TP63: variants seen among roughly 807,000 people sequenced by gnomAD.
TP63 encodes the protein tumor protein 63.
Under a neutral mutation model 82.8 loss-of-function variants are expected in TP63, and 17 were observed. That is an observed-to-expected ratio of 0.21 (90% CI 0.14 to 0.31). The LOEUF (loss-of-function observed/expected upper bound fraction) is 0.31. Ranked by LOEUF, TP63 falls within the 10% of genes least tolerant of loss-of-function variation. The pLI is 1.00. For missense variants in TP63, 648 were observed against 895.3 expected, an observed-to-expected ratio of 0.72 and a Z score of 3.52; for synonymous variants, 330 against 321.7, an observed-to-expected ratio of 1.03 and a Z score of -0.28.
intron 1 of TP63, among the ~76,000 whole-genome samples, chr3:189,636,932 CTT>C (rs1350862994): frequency 6.6e-6 from 1 of 152,116 alleles, no homozygotes; most frequent in African/African-American, 2.4e-5. Context: ...TTATCATAGA[CTT>C]TGTGAATTTT....
At chr3:189,671,713 A>C (rs2108674217) in intron 1 of TP63, among the ~76,000 whole-genome samples, 1 of 152,256 alleles carries the variant, frequency 6.6e-6, no homozygotes, top group Non-Finnish European at 1.5e-5. Flanking sequence ...AGCAATAAAA[A>C]AGAATGAAAT....
chr3:189,724,228 C>T (rs77744581), intron 1 of TP63, among the ~76,000 whole-genome samples: 15,101 of 151,884 alleles, frequency 0.099, 829 homozygotes, highest in Non-Finnish European at 0.12. Flanking sequence ...TGTAGGGATG[C>T]GAGATATAAA....
intron 1 of TP63, among the ~76,000 whole-genome samples, chr3:189,634,003 T>C (rs865913765): frequency 4.6e-5 from 7 of 152,092 alleles, no homozygotes; most frequent in Admixed American, 1.3e-4. Context: ...TATTACTTAG[T>C]GAATAAACAA....
At chr3:189,746,372 G>T (rs1721378148) in intron 3 of TP63, among the ~76,000 whole-genome samples, 1 of 151,690 alleles carries the variant, frequency 6.6e-6, no homozygotes, top group African/African-American at 2.4e-5. Context: ...AAAGGTGAGA[G>T]AATTTATTGC....
chr3:189,756,374 C>T (rs968067462), intron 3 of TP63, among the ~76,000 whole-genome samples: 2 of 152,152 alleles, frequency 1.3e-5, no homozygotes, highest in Non-Finnish European at 2.9e-5. Flanking sequence ...CCGGTGTCCC[C>T]ATAAGAGCAG....
chr3:189,745,398 GAGAT>G (rs1391648344), intron 3 of TP63, among the ~76,000 whole-genome samples: 10 of 152,080 alleles, frequency 6.6e-5, no homozygotes, highest in Admixed American at 6.6e-4. Flanking sequence ...ATTTACCAAA[GAGAT>G]AGATATCATT....
intron 4 of TP63, among the ~76,000 whole-genome samples, chr3:189,812,805 G>A (rs933556862): frequency 1.3e-5 from 2 of 152,010 alleles, no homozygotes; most frequent in African/African-American, 4.8e-5. Context: ...TTGAGGCTTC[G>A]ACAAAACTTT....
chr3:189,864,903 A>G (rs1158352017), intron 5 of TP63, among the ~76,000 whole-genome samples: 1 of 152,046 alleles, frequency 6.6e-6, no homozygotes, highest in Non-Finnish European at 1.5e-5. Flanking sequence ...GCTACTCGGG[A>G]GGCTGAGGCA....
At chr3:189,661,775 A>G (rs1371030286) in intron 1 of TP63, among the ~76,000 whole-genome samples, 1 of 151,938 alleles carries the variant, frequency 6.6e-6, no homozygotes, top group East Asian at 1.9e-4. Context: ...TCAGAGTTTC[A>G]ATTTCTTCCT....
chr3:189,636,218 C>T (rs1006186577), intron 1 of TP63, among the ~76,000 whole-genome samples: 3 of 152,140 alleles, frequency 2.0e-5, no homozygotes, highest in Admixed American at 1.3e-4. Context: ...CCATGCGCTG[C>T]GTCTGAGCGG....
At chr3:189,744,664 C>A (rs1013645302) in intron 3 of TP63, among the ~76,000 whole-genome samples, 1 of 152,236 alleles carries the variant, frequency 6.6e-6, no homozygotes, top group Admixed American at 6.5e-5. Flanking sequence ...CAGTGTGGAA[C>A]ATTTGGGTCC....
chr3:189,735,514 A>G lies in TP63; in HGVS notation c.63-2226A>G, dbSNP rs373561605. ...CAACCACACGGTTCAATCAAGCTGG[A>G]AACTTAAAGTCATCTTTCACTCTTC... On this transcript the variant is annotated intron_variant, in intron 1 of 13. Transcript: ENST00000264731. 9.9e-5 allele frequency among the ~76,000 whole-genome samples: 15 copies of G among 152,192 alleles called. No individual in the cohort carries two copies. In the East Asian group the frequency reaches 1.2e-3, roughly 12 times the overall value.
At position 189,896,144 on chromosome 3, in the gene TP63, G is replaced by A. The variant is rs1721453954; in HGVS notation, c.*1642G>A. On this transcript the variant is annotated 3_prime_UTR_variant, in exon 14 of 14. Coordinates refer to ENST00000264731, the MANE Select transcript of TP63 (RefSeq NM_003722.5). ...CTCTGAAATCTTCCCATGCATTCTG[G>A]TCAAGGGCTGTCATTGCACATAAGC... 3 of 220,640 alleles carry A rather than the reference G, an allele frequency of 1.4e-5. No homozygotes were observed. The highest frequency in any genetic ancestry group is 2.7e-5 in the Non-Finnish European group (3 of 110,006). 13.7% of individuals were successfully genotyped at this position (220,640 alleles called of 1,614,324 possible). A position where few individuals can be genotyped will look rare whatever the true frequency, so the allele number is the denominator to read the frequency against.
chr3:189,688,060 A>G (rs1716590546), intron 1 of TP63, among the ~76,000 whole-genome samples: 1 of 151,804 alleles, frequency 6.6e-6, no homozygotes, highest in Non-Finnish European at 1.5e-5. Flanking sequence ...CTGTTAGAGG[A>G]GAAGTGAAGC....
intron 1 of TP63, among the ~76,000 whole-genome samples, chr3:189,689,818 G>C (rs562844418): frequency 1.3e-5 from 2 of 152,232 alleles, no homozygotes; most frequent in South Asian, 2.1e-4. Context: ...TGCTAAAGTA[G>C]TGTTTATACT....
chr3:189,605,433 G>A, the TP63 span, among the ~76,000 whole-genome samples: 1 of 152,238 alleles, frequency 6.6e-6, no homozygotes, highest in Non-Finnish European at 1.5e-5. Context: ...GTGTCTTTTG[G>A]CTGATTTCTT....
At chr3:189,806,639 A>G (rs1726941785) in intron 3 of TP63, among the ~76,000 whole-genome samples, 1 of 152,154 alleles carries the variant, frequency 6.6e-6, no homozygotes, top group Non-Finnish European at 1.5e-5. Context: ...GATGGTGGGT[A>G]AGTGGTGGAT....
intron 4 of TP63, among the ~76,000 whole-genome samples, chr3:189,832,800 G>T (rs959140129): frequency 6.6e-6 from 1 of 152,186 alleles, no homozygotes; most frequent in Non-Finnish European, 1.5e-5. Flanking sequence ...CAGATGCAGA[G>T]TTATGTGTCT....
chr3:189,770,164 T>G (rs1261904786), intron 3 of TP63, among the ~76,000 whole-genome samples: 1 of 152,234 alleles, frequency 6.6e-6, no homozygotes, highest in Non-Finnish European at 1.5e-5. Context: ...TTCTAAATGC[T>G]GCATATTGCC....
Sources: gnomAD v4.1 joint callset for allele counts (sites outside exome capture counted in the v4.1 genomes callset) on GRCh38, gnomAD v4.1.1 for gene constraint, MANE v1.5 for transcripts, NCBI Gene and HGNC (gene_info 2026-07-23, HGNC 2026-07-21) for gene names.